Variants in BAZ2B observed in about 807,000 individuals in gnomAD.
The protein encoded by BAZ2B is bromodomain adjacent to zinc finger domain 2B.
Under a neutral mutation model 246.0 loss-of-function variants are expected in BAZ2B, and 91 were observed. The ratio of observed to expected loss-of-function variants is 0.37; its 90% CI spans 0.31 to 0.44. The LOEUF is 0.44. Among genes scored for constraint, BAZ2B ranks in the 20% least tolerant of loss-of-function variants. The probability of loss-of-function intolerance (pLI) is 1.00; values close to 1 mark genes in which losing one functional copy is unlikely to be tolerated. For synonymous variants in BAZ2B, 855 were observed against 860.0 expected, an observed-to-expected ratio of 0.99 and a Z score of 0.10; for missense variants, 2,332 against 2,533.7, an observed-to-expected ratio of 0.92 and a Z score of 1.71.
At chr2:159,453,483 C>A in intron 4 of BAZ2B, 130 bp downstream of exon 4, 2 of 1,098,516 alleles carry the variant, frequency 1.8e-6, no homozygotes, top group South Asian at 4.7e-5. Flanking sequence ...TAGGATTAAG[C>A]CAATTCTTGC....
rs1406338329 is a variant in BAZ2B at position 159,386,353 on chromosome 2, C to T, written c.3471G>A (p.Lys1157=). ...CATTTTATATTTTGTTTTTTTTTAC[C>T]TTGTATCCTGTTATTAGACCTGGAT... The part of the protein sequence containing the change: ...VCDPGLITGY[K]AKTALGEHLL... Residue 1157 remains lysine, a splice_region_variant and synonymous_variant, in exon 22 of 37, where the codon AAG becomes AAA. Transcript: ENST00000392783. The T allele has an allele frequency of 3.7e-6, 6 of 1,604,032 alleles. No homozygotes were observed. Among genetic ancestry groups the T allele is most frequent in the Middle Eastern group, 1.7e-4 (1 of 5,982 alleles).
the BAZ2B span, among the ~76,000 whole-genome samples, chr2:159,639,758 G>A: frequency 1.3e-5 from 2 of 151,970 alleles, no homozygotes; most frequent in Non-Finnish European, 2.9e-5. Flanking sequence ...AGGAAGACAG[G>A]AAGGAAGGAG....
intron 1 of BAZ2B, among the ~76,000 whole-genome samples, chr2:159,606,405 T>C (rs1238163122): frequency 1.3e-5 from 2 of 152,216 alleles, no homozygotes; most frequent in East Asian, 3.8e-4. Context: ...TTTTGTGACT[T>C]ATACACGGCT....
chr2:159,438,423 A>T lies in BAZ2B; in HGVS notation c.1173T>A (p.Asn391Lys), dbSNP rs2072808015. Residue 391 changes from asparagine (N) to lysine (K), a missense_variant, in exon 8 of 37, where the codon AAT becomes AAA. Physicochemically the swap from Asn to Lys is moderately conservative, Grantham distance 94 (BLOSUM62 0). Around this residue, in one of 9 missense-constraint regions of BAZ2B, gnomAD observed 161 missense variants for 225.8 expected, o/e 0.71. Transcript: ENST00000392783. ...VSNVKPLSLV[N>K]QAKKETYMKL... ...TCATGTAAGTTTCCTTTTTGGCTTG[A>T]TTTACCAAAGATAAAGGTTTCACAT... 1.2e-6 allele frequency: 2 copies of T among 1,614,020 alleles called. No individual in the cohort carries two copies. Among genetic ancestry groups the T allele is most frequent in the Admixed American group, 3.3e-5 (2 of 60,000 alleles).
At chr2:159,472,302 T>C (rs571729976) in intron 3 of BAZ2B, among the ~76,000 whole-genome samples, 38 of 152,364 alleles carry the variant, frequency 2.5e-4, no homozygotes, top group South Asian at 6.2e-4. Context: ...GCACATTGAT[T>C]TTGTATCCTG....
chr2:159,582,016 T>C (rs1351376692), intron 1 of BAZ2B, among the ~76,000 whole-genome samples: 1 of 152,116 alleles, frequency 6.6e-6, no homozygotes, highest in East Asian at 1.9e-4. Context: ...CATGTGTACA[T>C]ATGTAACAAA....
At chr2:159,604,068 TAC>T (rs1692814319) in intron 1 of BAZ2B, among the ~76,000 whole-genome samples, 1 of 85,236 alleles carries the variant, frequency 1.2e-5, no homozygotes, top group Non-Finnish European at 2.4e-5. Flanking sequence ...AGTGAAGAAA[TAC>T]ATTTTTAATT....
intron 1 of BAZ2B, among the ~76,000 whole-genome samples, chr2:159,601,265 C>A (rs1692063305): frequency 6.6e-6 from 1 of 152,076 alleles, no homozygotes; most frequent in African/African-American, 2.4e-5. Context: ...CTGAGGTAAA[C>A]AAGCATTACC....
the BAZ2B span, among the ~76,000 whole-genome samples, chr2:159,708,121 G>A: frequency 2.0e-5 from 3 of 152,020 alleles, no homozygotes; most frequent in African/African-American, 4.8e-5. Flanking sequence ...GACCAGCCTG[G>A]GCAGCAAAAA....
chr2:159,334,561 T>G (rs754482585), intron 33 of BAZ2B, among the ~76,000 whole-genome samples: 1 of 152,230 alleles, frequency 6.6e-6, no homozygotes, highest in Non-Finnish European at 1.5e-5. Context: ...AAGGTGCTTC[T>G]TAATCTTTGA....
intron 31 of BAZ2B, among the ~76,000 whole-genome samples, chr2:159,346,735 C>T (rs990810987): frequency 2.0e-5 from 3 of 152,042 alleles, no homozygotes; most frequent in Non-Finnish European, 4.4e-5. Context: ...CAAAACAGAA[C>T]CTTAGCAGGT....
chr2:159,652,303 G>A, the BAZ2B span, among the ~76,000 whole-genome samples: 6 of 151,376 alleles, frequency 4.0e-5, no homozygotes, highest in Admixed American at 1.3e-4. Context: ...TCCACCTCCC[G>A]GATTCAAGTG....
At chr2:159,374,547 G>T in intron 26 of BAZ2B, 144 bp downstream of exon 26, 11 of 645,480 alleles carry the variant, frequency 1.7e-5, no homozygotes, top group Non-Finnish European at 2.1e-5. Context: ...TTTTTTTTCT[G>T]ACAAAAATGC....
intron 27 of BAZ2B, among the ~76,000 whole-genome samples, chr2:159,367,869 T>C (rs371668834): frequency 4.0e-5 from 6 of 151,896 alleles, no homozygotes; most frequent in Non-Finnish European, 5.9e-5. Flanking sequence ...GCCTGGGAGA[T>C]AGAGTGAGAA....
chr2:159,557,265 C>T (rs1043634824), intron 1 of BAZ2B, among the ~76,000 whole-genome samples: 2 of 149,546 alleles, frequency 1.3e-5, no homozygotes, highest in African/African-American at 4.9e-5. Context: ...CCATGTTGCC[C>T]AGGCTGGTCT....
At chr2:159,632,734 T>C in the BAZ2B span, among the ~76,000 whole-genome samples, 2 of 152,200 alleles carry the variant, frequency 1.3e-5, no homozygotes, top group Non-Finnish European at 2.9e-5. Context: ...CAAATTAAAG[T>C]GATACACTGT....
chr2:159,400,993 A>G (rs1353532293), intron 16 of BAZ2B, among the ~76,000 whole-genome samples: 1 of 152,202 alleles, frequency 6.6e-6, no homozygotes, highest in Non-Finnish European at 1.5e-5. Context: ...GCAGTCAGCC[A>G]AGATGTGCCA....
At chr2:159,465,627 A>C (rs112786096) in intron 3 of BAZ2B, among the ~76,000 whole-genome samples, 2 of 152,202 alleles carry the variant, frequency 1.3e-5, no homozygotes, top group African/African-American at 4.8e-5. Flanking sequence ...GACAGTTGAA[A>C]ATTCAACAGC....
chr2:159,467,467 G>T (rs1273690921), intron 3 of BAZ2B, among the ~76,000 whole-genome samples: 2 of 152,126 alleles, frequency 1.3e-5, no homozygotes, highest in African/African-American at 2.4e-5. Context: ...CAGTGCAAGG[G>T]GAGGTATTTT....
Sources: gnomAD v4.1 joint callset for allele counts (sites outside exome capture counted in the v4.1 genomes callset) on GRCh38, gnomAD v4.1.1 for gene constraint, gnomAD v4.1.1 regional missense constraint, MANE v1.5 for transcripts, NCBI Gene and HGNC (gene_info 2026-07-23, HGNC 2026-07-21) for gene names.